CHST11: variants seen among roughly 807,000 people sequenced by gnomAD.
The protein encoded by CHST11 is C4S-1.
CHST11 carries 9 observed loss-of-function variants against 30.4 expected under a neutral mutation model. The ratio of observed to expected loss-of-function variants is 0.30; its 90% CI spans 0.18 to 0.52. CHST11 has a LOEUF of 0.52. Among genes scored for constraint, CHST11 ranks in the 20% least tolerant of loss-of-function variants. The pLI is 0.97. For missense variants in CHST11, 348 were observed against 460.6 expected (o/e 0.76, Z 2.24); for synonymous variants, 152 against 187.8 (o/e 0.81, Z 1.56).
intron 2 of CHST11, among the ~76,000 whole-genome samples, chr12:104,607,054 G>C (rs1416178388): frequency 6.6e-6 from 1 of 151,950 alleles, no homozygotes; most frequent in Non-Finnish European, 1.5e-5. Context: ...GTGAGACTCT[G>C]TCTCAAAAAA....
intron 1 of CHST11, among the ~76,000 whole-genome samples, chr12:104,597,159 G>T (rs1173236152): frequency 6.6e-6 from 1 of 152,146 alleles, no homozygotes; most frequent in Non-Finnish European, 1.5e-5. Flanking sequence ...GTGTCCACTT[G>T]AAAACAACGT....
Position 104,513,237 on chromosome 12 carries a change from G to A in CHST11, c.118+55708G>A, listed in dbSNP as rs539256395. Among the ~76,000 whole-genome samples, 27 of 150,976 alleles carry A rather than the reference G, an allele frequency of 1.8e-4. No individual in the cohort carries two copies. The South Asian group carries it at 4.4e-3, about 25-fold the overall frequency. On this transcript the variant is annotated intron_variant, in intron 1 of 2. Transcript: ENST00000303694. ...CAGAAACTTAGTGTTTCTGTGCCATGTCTCACATACACAGAGAGAATACTG... is the reference window on the plus strand; with the variant it reads ...CAGAAACTTAGTGTTTCTGTGCCATATCTCACATACACAGAGAGAATACTG...
chr12:104,536,703 A>T (rs1408263757), intron 1 of CHST11, among the ~76,000 whole-genome samples: 4 of 152,146 alleles, frequency 2.6e-5, no homozygotes, highest in Non-Finnish European at 5.9e-5. Flanking sequence ...CTTTTAAGAG[A>T]ATGTTTATAA....
intron 2 of CHST11, among the ~76,000 whole-genome samples, chr12:104,696,624 G>A (rs2039950024): frequency 6.6e-6 from 1 of 151,866 alleles, no homozygotes; most frequent in South Asian, 2.1e-4. Flanking sequence ...CGAGATCACG[G>A]TACTGCACTC....
At chr12:104,718,724 C>G (rs2040151112) in intron 2 of CHST11, among the ~76,000 whole-genome samples, 1 of 152,192 alleles carries the variant, frequency 6.6e-6, no homozygotes, top group South Asian at 2.1e-4. Context: ...ATTTAGCCAG[C>G]CAGCCTGAAG....
At chr12:104,464,735 G>A (rs2037442302) in intron 1 of CHST11, among the ~76,000 whole-genome samples, 1 of 152,184 alleles carries the variant, frequency 6.6e-6, no homozygotes, top group African/African-American at 2.4e-5. Flanking sequence ...AATTTTGACT[G>A]AGCTTGTAGT....
At chr12:104,516,767 T>C (rs2038027774) in intron 1 of CHST11, among the ~76,000 whole-genome samples, 1 of 151,858 alleles carries the variant, frequency 6.6e-6, no homozygotes, top group Non-Finnish European at 1.5e-5. Context: ...TGCCTTGCTG[T>C]AAAGAGGAAC....
chr12:104,748,014 T>C (rs1449193059), intron 2 of CHST11, among the ~76,000 whole-genome samples: 1 of 152,226 alleles, frequency 6.6e-6, no homozygotes, highest in Non-Finnish European at 1.5e-5. Flanking sequence ...TTTATAAATG[T>C]CCAAATTAAA....
chr12:104,609,439 A>G (rs574759474), intron 2 of CHST11, among the ~76,000 whole-genome samples: 1 of 152,348 alleles, frequency 6.6e-6, no homozygotes, highest in South Asian at 2.1e-4. Flanking sequence ...ACGGACAGTG[A>G]ACTACCTCTT....
chr12:104,638,092 A>G (rs1156749220), intron 2 of CHST11, among the ~76,000 whole-genome samples: 3 of 152,184 alleles, frequency 2.0e-5, no homozygotes, highest in East Asian at 1.9e-4. Flanking sequence ...GTTGTGACCT[A>G]TTGTAAAATG....
At chr12:104,513,645 T>A (rs2037991938) in intron 1 of CHST11, among the ~76,000 whole-genome samples, 1 of 152,172 alleles carries the variant, frequency 6.6e-6, no homozygotes, top group Non-Finnish European at 1.5e-5. Context: ...TGAACGACCA[T>A]CTGTGCCATA....
At chr12:104,570,819 T>C (rs2038616664) in intron 1 of CHST11, among the ~76,000 whole-genome samples, 1 of 151,808 alleles carries the variant, frequency 6.6e-6, no homozygotes, top group South Asian at 2.1e-4. Flanking sequence ...GCCTCCTGAG[T>C]AGCTGGGATT....
chr12:104,580,423 T>A (rs2038731561), intron 1 of CHST11, among the ~76,000 whole-genome samples: 1 of 152,232 alleles, frequency 6.6e-6, no homozygotes, highest in Admixed American at 6.5e-5. Context: ...TGTTTCTAAA[T>A]ACCATGGGAT....
chr12:104,537,298 G>A (rs2038246011), intron 1 of CHST11, among the ~76,000 whole-genome samples: 1 of 152,186 alleles, frequency 6.6e-6, no homozygotes, highest in Non-Finnish European at 1.5e-5. Context: ...GTGGGCTGGT[G>A]CTATCCATAG....
At chr12:104,576,178 A>G (rs2038682012) in intron 1 of CHST11, among the ~76,000 whole-genome samples, 1 of 152,036 alleles carries the variant, frequency 6.6e-6, no homozygotes, top group Non-Finnish European at 1.5e-5. Context: ...TTCTTGCCTT[A>G]GCCTACTGTG....
At chr12:104,584,785 TG>T (rs1054183284) in intron 1 of CHST11, among the ~76,000 whole-genome samples, 2 of 152,178 alleles carry the variant, frequency 1.3e-5, no homozygotes, top group East Asian at 3.9e-4. Flanking sequence ...TATCCTAGAG[TG>T]TTTCCAATTT....
At chr12:104,749,690 C>T (rs190446067) in intron 2 of CHST11, among the ~76,000 whole-genome samples, 1 of 152,200 alleles carries the variant, frequency 6.6e-6, no homozygotes. Flanking sequence ...TTGGTCCCAT[C>T]AGTAGTTCCG....
intron 2 of CHST11, among the ~76,000 whole-genome samples, chr12:104,624,193 G>A (rs939938955): frequency 6.6e-6 from 1 of 152,206 alleles, no homozygotes; most frequent in Non-Finnish European, 1.5e-5. Flanking sequence ...AATTGTCAGA[G>A]CAATTATGTG....
chr12:104,722,511 CCT>C (rs2136127417), intron 2 of CHST11, among the ~76,000 whole-genome samples: 1 of 152,196 alleles, frequency 6.6e-6, no homozygotes, highest in South Asian at 2.1e-4. Flanking sequence ...AGTGTAAGTG[CCT>C]CTGTAAAGTG....
Sources: allele counts gnomAD v4.1 joint callset (sites outside exome capture counted in the v4.1 genomes callset), GRCh38; gene constraint gnomAD v4.1.1; transcripts MANE v1.5; gene names NCBI Gene and HGNC (gene_info 2026-07-23, HGNC 2026-07-21).